VPS13B: variants seen among roughly 807,000 people sequenced by gnomAD.
VPS13B encodes intermembrane lipid transfer protein VPS13B.
A neutral mutation model predicts 426.4 loss-of-function variants in VPS13B; 285 were observed. The observed-to-expected ratio is 0.67, with a 90% CI of 0.61 to 0.74. The LOEUF (loss-of-function observed/expected upper bound fraction) is 0.74, where lower values mean the gene tolerates loss of function less well. Ranked by LOEUF, VPS13B falls within the 30% of genes least tolerant of loss-of-function variation. The pLI is 0.00. For missense variants in VPS13B, 4,537 were observed against 4,782.6 expected, an observed-to-expected ratio of 0.95 and a Z score of 1.51; for synonymous variants, 1,676 against 1,676.4, an observed-to-expected ratio of 1.00 and a Z score of 0.01.
intron 33 of VPS13B, among the ~76,000 whole-genome samples, chr8:99,581,424 C>T (rs1826052695): frequency 6.6e-6 from 1 of 152,056 alleles, no homozygotes; most frequent in Admixed American, 6.6e-5. Context: ...AAAATTGTCT[C>T]CCACATTAAA....
chr8:99,360,187 T>TC (rs1491570261), intron 19 of VPS13B, among the ~76,000 whole-genome samples: 23 of 35,000 alleles, frequency 6.6e-4, no homozygotes, highest in African/African-American at 2.9e-3. Flanking sequence ...TCTTTCTTTC[T>TC]TTCTCTCTCT....
intron 50 of VPS13B, 133 bp from the exon 51 acceptor site, chr8:99,823,699 C>A: frequency 2.1e-6 from 2 of 936,606 alleles, no homozygotes; most frequent in Non-Finnish European, 3.3e-6. Context: ...ATTAAATATT[C>A]TGGGGAAAAA....
intron 3 of VPS13B, among the ~76,000 whole-genome samples, chr8:99,080,458 A>G (rs990203274): frequency 6.6e-5 from 10 of 152,070 alleles, no homozygotes; most frequent in Non-Finnish European, 1.5e-4. Context: ...TTATATGTCT[A>G]ACTGGTTCTT....
At chr8:99,443,931 C>T (rs1817792585) in intron 23 of VPS13B, among the ~76,000 whole-genome samples, 1 of 152,054 alleles carries the variant, frequency 6.6e-6, no homozygotes. Flanking sequence ...TATAATACCA[C>T]ATTATGTACA....
At chr8:99,275,740 G>A (rs1011350644) in intron 19 of VPS13B, among the ~76,000 whole-genome samples, 2 of 151,916 alleles carry the variant, frequency 1.3e-5, no homozygotes, top group African/African-American at 2.4e-5. Flanking sequence ...GAATAGAATC[G>A]ATTTCATTTT....
intron 14 of VPS13B, among the ~76,000 whole-genome samples, chr8:99,148,798 G>A (rs1810893282): frequency 6.6e-6 from 1 of 152,200 alleles, no homozygotes; most frequent in African/African-American, 2.4e-5. Context: ...GTAAACAAAG[G>A]GCCAAATGAC....
chr8:99,816,382 G>A (rs971565277), intron 44 of VPS13B, among the ~76,000 whole-genome samples: 8 of 152,080 alleles, frequency 5.3e-5, no homozygotes, highest in Admixed American at 1.3e-4. Flanking sequence ...GATTACAGGC[G>A]TGAACCACCG....
intron 20 of VPS13B, among the ~76,000 whole-genome samples, chr8:99,390,046 G>A (rs1209793632): frequency 6.6e-6 from 1 of 151,800 alleles, no homozygotes; most frequent in Non-Finnish European, 1.5e-5. Flanking sequence ...TATAAAAGCA[G>A]GCACTCTATG....
intron 35 of VPS13B, among the ~76,000 whole-genome samples, chr8:99,665,882 G>T (rs962458059): frequency 6.6e-6 from 1 of 152,090 alleles, no homozygotes; most frequent in Non-Finnish European, 1.5e-5. Context: ...TGATGGGGAT[G>T]GCATTAAATC....
chr8:99,773,791 T>G (rs1471416350), intron 40 of VPS13B, among the ~76,000 whole-genome samples: 1 of 152,212 alleles, frequency 6.6e-6, no homozygotes, highest in Non-Finnish European at 1.5e-5. Flanking sequence ...GGCCATGAAT[T>G]TGACCTGTTT....
intron 33 of VPS13B, among the ~76,000 whole-genome samples, chr8:99,625,719 G>A (rs1276429687): frequency 1.3e-5 from 2 of 152,062 alleles, no homozygotes; most frequent in African/African-American, 2.4e-5. Context: ...AGTGGCACAC[G>A]CCTATAGTCG....
chr8:99,120,208 C>T (rs1327912587), intron 7 of VPS13B: 1 of 146,972 alleles, frequency 6.8e-6, no homozygotes, highest in African/African-American at 2.5e-5. Flanking sequence ...GAATTTTACA[C>T]CCGGACAGTT....
chr8:99,600,569 G>A (rs1827237526), intron 33 of VPS13B, among the ~76,000 whole-genome samples: 1 of 152,160 alleles, frequency 6.6e-6, no homozygotes, highest in African/African-American at 2.4e-5. Flanking sequence ...AATAGTGGCA[G>A]GTGGACTAGG....
intron 24 of VPS13B, among the ~76,000 whole-genome samples, chr8:99,469,047 A>G (rs1225654982): frequency 6.6e-6 from 1 of 152,132 alleles, no homozygotes; most frequent in Non-Finnish European, 1.5e-5. Flanking sequence ...TAAGAGTCTT[A>G]TTATAAAAAT....
intron 4 of VPS13B, among the ~76,000 whole-genome samples, chr8:99,098,361 C>T (rs999204956): frequency 6.6e-6 from 1 of 152,124 alleles, no homozygotes; most frequent in South Asian, 2.1e-4. Flanking sequence ...CACACTCACA[C>T]ATATGCACAC....
At chr8:99,634,674 T>G (rs538784999) in intron 33 of VPS13B, among the ~76,000 whole-genome samples, 6 of 152,024 alleles carry the variant, frequency 3.9e-5, no homozygotes, top group African/African-American at 1.4e-4. Flanking sequence ...TTTCTAGCTC[T>G]GGGTATCTGT....
At chr8:99,339,539 C>G (rs1238448620) in intron 19 of VPS13B, among the ~76,000 whole-genome samples, 3 of 152,066 alleles carry the variant, frequency 2.0e-5, no homozygotes, top group African/African-American at 4.8e-5. Flanking sequence ...CCCACCAGGC[C>G]CCACCTCCAA....
At chr8:99,516,062 A>G (rs1822053332) in intron 29 of VPS13B, among the ~76,000 whole-genome samples, 1 of 152,206 alleles carries the variant, frequency 6.6e-6, no homozygotes, top group African/African-American at 2.4e-5. Context: ...TGTTATAAAT[A>G]GCCAGACTGT....
chr8:99,052,831 A>T (rs1409587534), intron 3 of VPS13B, among the ~76,000 whole-genome samples: 1 of 152,162 alleles, frequency 6.6e-6, no homozygotes, highest in African/African-American at 2.4e-5. Flanking sequence ...AGATGTTTGT[A>T]GTATTCTCTG....
Sources: gnomAD v4.1 joint callset for allele counts (sites outside exome capture counted in the v4.1 genomes callset) on GRCh38, gnomAD v4.1.1 for gene constraint, MANE v1.5 for transcripts, NCBI Gene and HGNC (gene_info 2026-07-23, HGNC 2026-07-21) for gene names.